PLEKHA5: variants seen among roughly 807,000 people sequenced by gnomAD.
The protein encoded by PLEKHA5 is pleckstrin homology domain-containing family A member 5.
In PLEKHA5, 55 loss-of-function variants were observed where a neutral mutation model predicts 181.9. The ratio of observed to expected loss-of-function variants is 0.30; its 90% CI spans 0.24 to 0.38. The LOEUF (loss-of-function observed/expected upper bound fraction) is 0.38. Among genes scored for constraint, PLEKHA5 ranks in the 10% least tolerant of loss-of-function variants. The probability of loss-of-function intolerance (pLI) is 1.00; values close to 1 mark genes in which losing one functional copy is unlikely to be tolerated. For missense variants in PLEKHA5, 1,432 were observed against 1,549.5 expected (o/e 0.92, Z 1.27); for synonymous variants, 535 against 529.4 (o/e 1.01, Z -0.15).
intron 3 of PLEKHA5, among the ~76,000 whole-genome samples, chr12:19,231,554 T>A (rs2060562152): frequency 6.8e-6 from 1 of 147,498 alleles, no homozygotes; most frequent in African/African-American, 2.5e-5. Flanking sequence ...GTATATATAT[T>A]TATATATGTA....
intron 7 of PLEKHA5, among the ~76,000 whole-genome samples, 180 bp from the exon 8 acceptor site, chr12:19,265,570 C>G (rs1482877811): frequency 6.6e-6 from 1 of 152,080 alleles, no homozygotes; most frequent in African/African-American, 2.4e-5. Flanking sequence ...AGTATATATA[C>G]CAAAGTATAA....
chr12:19,347,143 G>A lies in PLEKHA5; in HGVS notation c.2859G>A (p.Met953Ile), dbSNP rs1469886201. The change falls in exon 24 of 32, where the codon ATG (methionine) becomes ATA (isoleucine). Residue 953 changes from methionine (M) to isoleucine (I), a missense_variant. Met to Ile is a conservative substitution (Grantham distance 10, BLOSUM62 1). This residue lies in a region of PLEKHA5 where 1,143 missense variants were observed against 1,168.4 expected (regional missense o/e 0.98). Transcript: ENST00000429027. ...GPVHLPEEKK[M>I]YQVQGYPRNG... is the part of the protein sequence containing the mutation. ...TTCATCTGCCTGAAGAAAAGAAGAT[G>A]TATCAAGTTCAAGGATATCCAAGAA... The A allele has an allele frequency of 2.3e-5, 35 of 1,549,956 alleles. No homozygotes were observed. Among genetic ancestry groups the A allele is most frequent in the Non-Finnish European group, 2.9e-5 (33 of 1,145,932 alleles).
chr12:19,353,973 A>G lies in PLEKHA5; in HGVS notation c.3109A>G (p.Lys1037Glu), dbSNP rs772512118. 1 of 1,594,286 alleles carries G rather than the reference A, an allele frequency of 6.3e-7. No homozygotes were observed. The highest frequency in any genetic ancestry group is 8.6e-7 in the Non-Finnish European group (1 of 1,162,262). The change falls in exon 26 of 32, where the codon AAA (lysine) becomes GAA (glutamate). Residue 1037 changes from lysine (K) to glutamate (E), a missense_variant. Lys to Glu is a moderately conservative substitution (Grantham distance 56, BLOSUM62 1). Around this residue, in one of 2 missense-constraint regions of PLEKHA5, gnomAD observed 1,143 missense variants for 1,168.4 expected, o/e 0.98. Transcript: ENST00000429027. ...AATAGCTTCCTATGTAACCTTGAGG[A>G]AAACTAAGAAGATGATGGATCTAAG... ...STIASYVTLRKTKKMMDLRTE... is the reference protein window; with the variant it reads ...STIASYVTLRETKKMMDLRTE...
rs1297824011 is a variant in PLEKHA5, at chr12:19,279,821, T to C, written c.1314-3459T>C. ...AAGAATCAAAACTTGGCTGTCTTGA[T>C]TTTTGATCAACCACTTTTCCTGTTT... On this transcript the variant is annotated intron_variant, in intron 11 of 31. Coordinates refer to ENST00000429027, the MANE Select transcript of PLEKHA5 (RefSeq NM_001256470.2). Among the ~76,000 whole-genome samples, 7 of 152,098 alleles carry C rather than the reference T, an allele frequency of 4.6e-5. No homozygotes were observed. The East Asian group carries it at 1.4e-3, about 29-fold the overall frequency.
At chr12:19,237,438 AAAGAT>A (rs2061578593) in intron 3 of PLEKHA5, among the ~76,000 whole-genome samples, 1 of 152,130 alleles carries the variant, frequency 6.6e-6, no homozygotes, top group African/African-American at 2.4e-5. Context: ...CTAGACCTCC[AAAGAT>A]AATTAGATGA....
At chr12:19,136,467 G>A (rs966206629) in intron 3 of PLEKHA5, among the ~76,000 whole-genome samples, 1 of 152,158 alleles carries the variant, frequency 6.6e-6, no homozygotes. Context: ...AGCCCATAAA[G>A]CACAGAAGAA....
At chr12:19,179,574 C>T (rs555523328) in intron 3 of PLEKHA5, among the ~76,000 whole-genome samples, 7 of 152,236 alleles carry the variant, frequency 4.6e-5, no homozygotes, top group Middle Eastern at 3.4e-3. Context: ...GCAGGAGAAT[C>T]GCTTGAACCC....
At chr12:19,225,260 C>T (rs2059534390) in intron 3 of PLEKHA5, among the ~76,000 whole-genome samples, 1 of 152,132 alleles carries the variant, frequency 6.6e-6, no homozygotes, top group South Asian at 2.1e-4. Flanking sequence ...AGATGATAAA[C>T]CATTGCCTAC....
At chr12:19,306,978 T>G (rs956227125) in intron 15 of PLEKHA5, 3 of 1,414,082 alleles carry the variant, frequency 2.1e-6, no homozygotes, top group Non-Finnish European at 3.0e-6. Context: ...TTACTCAGAC[T>G]GGCGCTGTTC....
At chr12:19,210,188 G>C (rs927706745) in intron 3 of PLEKHA5, among the ~76,000 whole-genome samples, 2 of 152,158 alleles carry the variant, frequency 1.3e-5, no homozygotes, top group Admixed American at 1.3e-4. Context: ...CCTTAATGGA[G>C]TTTTTGTTAA....
Position 19,263,443 on chromosome 12 carries a change from T to G in PLEKHA5, c.611-2307T>G, listed in dbSNP as rs537958063. Among the ~76,000 whole-genome samples, 4 of 152,318 alleles carry G rather than the reference T, an allele frequency of 2.6e-5. No individual in the cohort carries two copies. In the East Asian group the frequency reaches 7.7e-4, roughly 29 times the overall value. On this transcript the variant is annotated intron_variant, in intron 7 of 31. Transcript: ENST00000429027. ...ACGAGTTTTTGCCCCCACTCAGATA[T>G]CCTCTTCACTTAAATGCTGAGGGCA...
At chr12:19,333,986 G>T (rs1263301425) in intron 20 of PLEKHA5, among the ~76,000 whole-genome samples, 1 of 152,128 alleles carries the variant, frequency 6.6e-6, no homozygotes. Flanking sequence ...AAGTACTTGA[G>T]ATTTTAAGGT....
intron 3 of PLEKHA5, among the ~76,000 whole-genome samples, chr12:19,171,847 AAC>A (rs1367989671): frequency 7.2e-5 from 11 of 152,304 alleles, no homozygotes; most frequent in East Asian, 5.8e-4. Context: ...CTAAGGCACA[AAC>A]ACACACATTA....
At chr12:19,201,359 G>A (rs1049581678) in intron 3 of PLEKHA5, 3 of 152,052 alleles carry the variant, frequency 2.0e-5, no homozygotes, top group African/African-American at 7.2e-5. Context: ...GGAGAATGTG[G>A]AGAAACTCAA....
intron 8 of PLEKHA5, among the ~76,000 whole-genome samples, chr12:19,268,426 C>T (rs1040735134): frequency 2.0e-5 from 3 of 152,142 alleles, no homozygotes; most frequent in Non-Finnish European, 4.4e-5. Context: ...AGTATATTTT[C>T]TCTGCAATTA....
At chr12:19,281,406 A>C (rs1468782896) in intron 11 of PLEKHA5, among the ~76,000 whole-genome samples, 1 of 151,836 alleles carries the variant, frequency 6.6e-6, no homozygotes, top group Non-Finnish European at 1.5e-5. Context: ...GCAAAACCCC[A>C]TCTCTACAAA....
At chr12:19,173,370 G>T (rs1032904167) in intron 3 of PLEKHA5, among the ~76,000 whole-genome samples, 2 of 151,834 alleles carry the variant, frequency 1.3e-5, no homozygotes, top group African/African-American at 4.8e-5. Context: ...ATAAAATTTT[G>T]CCATCTGTTT....
At chr12:19,170,233 T>C (rs911870016) in intron 3 of PLEKHA5, among the ~76,000 whole-genome samples, 3 of 152,206 alleles carry the variant, frequency 2.0e-5, no homozygotes, top group Admixed American at 6.5e-5. Context: ...GCTGAATGAC[T>C]AAAAATATGT....
In PLEKHA5 at chr12:19,369,782, G is replaced by C. The variant is rs767847590; in HGVS notation, c.3844G>C (p.Val1282Leu). ...CACAGAAGGATCACATTTCATGTGT[G>C]TGTAGTCTTAGAAGAAGTACGTCAT... Reference protein sequence around the residue: ...QLTEGSHFMCV With the variant: ...QLTEGSHFMCL The change falls in exon 31 of 32, where the codon GTG becomes CTG. Residue 1282 changes from valine (V) to leucine (L), a missense_variant. Physicochemically the swap from Val to Leu is conservative, Grantham distance 32 (BLOSUM62 1). Around this residue, in one of 2 missense-constraint regions of PLEKHA5, gnomAD observed 1,143 missense variants for 1,168.4 expected, o/e 0.98. Transcript: ENST00000429027. 6.3e-7 allele frequency: 1 copy of C among 1,597,482 alleles called. No homozygotes were observed. Among genetic ancestry groups the C allele is most frequent in the South Asian group, 1.1e-5 (1 of 89,384 alleles).
Sources: gnomAD v4.1 joint callset for allele counts (sites outside exome capture counted in the v4.1 genomes callset) on GRCh38, gnomAD v4.1.1 for gene constraint, gnomAD v4.1.1 regional missense constraint, MANE v1.5 for transcripts, NCBI Gene and HGNC (gene_info 2026-07-23, HGNC 2026-07-21) for gene names.